The following TBC1D7 variants were observed in gnomAD, a reference collection of about 807,000 sequenced individuals.
TBC1D7 encodes TBC1 domain family member 7, also known as TBC domain family 7.
In TBC1D7, 33 loss-of-function variants were observed where a neutral mutation model predicts 35.3. The ratio of observed to expected loss-of-function variants is 0.93; its 90% CI spans 0.71 to 1.25. The LOEUF (loss-of-function observed/expected upper bound fraction) is 1.25, where lower values mean the gene tolerates loss of function less well. TBC1D7 is among the 50% of genes most tolerant of loss of function. The pLI is 0.00. For synonymous variants in TBC1D7, 135 were observed against 129.5 expected, an observed-to-expected ratio of 1.04 and a Z score of -0.29; for missense variants, 362 against 365.3, an observed-to-expected ratio of 0.99 and a Z score of 0.07.
chr6:13,316,789 G>C (rs952515991), intron 4 of TBC1D7, 81 bp from the exon 5 acceptor site: 1 of 1,531,432 alleles, frequency 6.5e-7, no homozygotes, highest in Non-Finnish European at 8.8e-7. Flanking sequence ...ATGAAACCTT[G>C]CTCCCTAAAT....
At chr6:13,314,204 C>CAA (rs5874413) in intron 5 of TBC1D7, among the ~76,000 whole-genome samples, 1 of 109,078 alleles carries the variant, frequency 9.2e-6, no homozygotes. Flanking sequence ...GACTCCATCT[C>CAA]AAAAAAAAAA....
At chr6:13,323,107 C>T (rs1050818036) in intron 3 of TBC1D7, among the ~76,000 whole-genome samples, 2 of 152,124 alleles carry the variant, frequency 1.3e-5, no homozygotes, top group African/African-American at 4.8e-5. Context: ...AATCCCAGCA[C>T]TTTGGGAGGC....
intron 3 of TBC1D7, chr6:13,323,885 C>T (rs1057281446): frequency 6.6e-6 from 1 of 152,208 alleles, no homozygotes; most frequent in African/African-American, 2.4e-5. Context: ...CACTTACAGG[C>T]TATAATGCCT....
rs774821320 is a variant in TBC1D7 at position 13,305,081 on chromosome 6, T to C, written c.*20A>G. 6.3e-7 allele frequency: 1 copy of C among 1,591,684 alleles called. No individual in the cohort carries two copies. The highest frequency in any genetic ancestry group is 8.6e-7 in the Non-Finnish European group (1 of 1,166,508). On this transcript the variant is annotated 3_prime_UTR_variant, in exon 8 of 8. Coordinates refer to ENST00000379300, the MANE Select transcript of TBC1D7 (RefSeq NM_016495.6). ...GCTCACTGTGGTGCCTGGCAGACGG[T>C]CCACAACCAGCGGGTGCGTTCAGCT...
intron 5 of TBC1D7, among the ~76,000 whole-genome samples, chr6:13,315,958 T>C (rs1783576953): frequency 6.6e-6 from 1 of 152,206 alleles, no homozygotes; most frequent in Non-Finnish European, 1.5e-5. Context: ...GGCTGGCTTG[T>C]CCCTCTTATT....
chr6:13,313,721 T>G (rs1445264673), intron 5 of TBC1D7, among the ~76,000 whole-genome samples: 2 of 152,120 alleles, frequency 1.3e-5, no homozygotes, highest in Admixed American at 1.3e-4. Context: ...CACTTCAGAA[T>G]TGCCTGGAGC....
chr6:13,316,557 A>T lies in TBC1D7; in HGVS notation c.519+14T>A. 6.3e-7 allele frequency: 1 copy of T among 1,586,582 alleles called. No homozygotes were observed. The highest frequency in any genetic ancestry group is 1.2e-5 in the South Asian group (1 of 85,066). On this transcript the variant is annotated intron_variant, in intron 5 of 7. Transcript: ENST00000379300. ...TTCACTCTCCAATAGCCAAAAAAAAAAAAAAGCCCTCACCAACTGGGGCAA... is the reference window on the plus strand; with the variant it reads ...TTCACTCTCCAATAGCCAAAAAAAATAAAAAGCCCTCACCAACTGGGGCAA...
intron 5 of TBC1D7, among the ~76,000 whole-genome samples, chr6:13,310,637 C>CA (rs546122443): frequency 0.23 from 16,787 of 72,680 alleles, 2,412 homozygotes; most frequent in East Asian, 0.47. Flanking sequence ...GACTCCGTCT[C>CA]AAAAAAAAAA....
At position 13,320,710 on chromosome 6, in the gene TBC1D7, A is replaced by T. The variant is rs566438190; in HGVS notation, c.381+198T>A. ...TTGAAATTACTTCAAAATAAAACGTATTTTAAAAAAACAAAAAGTAAGAAG... is the reference window on the plus strand; with the variant it reads ...TTGAAATTACTTCAAAATAAAACGTTTTTTAAAAAAACAAAAAGTAAGAAG... On this transcript the variant is annotated intron_variant, in intron 4 of 7. Coordinates refer to ENST00000379300, the MANE Select transcript of TBC1D7 (RefSeq NM_016495.6). 8.8e-6 allele frequency: 6 copies of T among 684,500 alleles called. No individual in the cohort carries two copies. The Admixed American group carries it at 1.1e-4, about 13-fold the overall frequency. The allele number at this position is 684,500 out of a possible 1,614,324, so 42.4% of individuals were successfully genotyped here.
intron 5 of TBC1D7, among the ~76,000 whole-genome samples, chr6:13,315,539 C>T (rs982910668): frequency 1.3e-5 from 2 of 151,992 alleles, no homozygotes; most frequent in Admixed American, 1.3e-4. Context: ...CACGATGCAA[C>T]CCCGTCTCTA....
At chr6:13,312,871 C>T (rs964800828) in intron 5 of TBC1D7, among the ~76,000 whole-genome samples, 7 of 150,342 alleles carry the variant, frequency 4.7e-5, no homozygotes, top group East Asian at 1.9e-4. Context: ...TTTCAACAAA[C>T]GTAAGGGATA....
chr6:13,320,828 C>G (rs762899582), intron 4 of TBC1D7, 80 bp downstream of exon 4: 1 of 1,438,526 alleles, frequency 7.0e-7, no homozygotes, highest in Non-Finnish European at 9.7e-7. Flanking sequence ...GTTTTTAAGG[C>G]AAAACATGAT....
intron 5 of TBC1D7, among the ~76,000 whole-genome samples, chr6:13,312,185 A>C (rs1282748335): frequency 6.6e-6 from 1 of 152,176 alleles, no homozygotes; most frequent in Admixed American, 6.5e-5. Context: ...CTAACAATGT[A>C]AATTTAGCAC....
In TBC1D7 at chr6:13,304,954, C is replaced by A. The variant is rs1782709115; in HGVS notation, c.*147G>T. 4.1e-5 allele frequency: 25 copies of A among 605,932 alleles called. No individual in the cohort carries two copies. In the South Asian group the frequency reaches 5.2e-4, roughly 13 times the overall value. 37.5% of individuals were successfully genotyped at this position (605,932 alleles called of 1,614,324 possible). ...GCCAACACAGCAACACCAGGCATTT[C>A]AATTAAATAATTTTATTGGGGGAAA... is the stretch of plus-strand genomic sequence containing the variant. On this transcript the variant is annotated 3_prime_UTR_variant, in exon 8 of 8. Transcript: ENST00000379300.
At chr6:13,325,221 C>CATGAA in intron 2 of TBC1D7, 47 bp from the exon 3 acceptor site, 2 of 1,365,260 alleles carry the variant, frequency 1.5e-6, no homozygotes, top group Non-Finnish European at 2.1e-6. Context: ...ATGCTGATCA[C>CATGAA]AGTATGTCAA....
intron 5 of TBC1D7, among the ~76,000 whole-genome samples, chr6:13,314,417 C>T (rs188949778): frequency 2.0e-5 from 3 of 152,058 alleles, no homozygotes; most frequent in Non-Finnish European, 1.5e-5. Context: ...ATTTATGTTA[C>T]GAAAAATAAA....
At chr6:13,320,883 G>C in intron 4 of TBC1D7, 25 bp downstream of exon 4, 5 of 1,611,460 alleles carry the variant, frequency 3.1e-6, no homozygotes, top group Non-Finnish European at 4.2e-6. Context: ...GTTGAGCTTA[G>C]TGTCAGACAA....
intron 2 of TBC1D7, among the ~76,000 whole-genome samples, 170 bp downstream of exon 2, chr6:13,326,617 T>C (rs1234493274): frequency 1.3e-5 from 2 of 152,178 alleles, no homozygotes; most frequent in Non-Finnish European, 2.9e-5. Flanking sequence ...TGACGCTCAG[T>C]GAAATATAAA....
intron 5 of TBC1D7, among the ~76,000 whole-genome samples, chr6:13,314,944 G>GT (rs778021326): frequency 2.0e-5 from 3 of 152,244 alleles, no homozygotes; most frequent in Non-Finnish European, 4.4e-5. Flanking sequence ...AATGCAGCAA[G>GT]TACCATTCAG....
Sources: gnomAD v4.1 joint callset for allele counts (sites outside exome capture counted in the v4.1 genomes callset) on GRCh38, gnomAD v4.1.1 for gene constraint, MANE v1.5 for transcripts, NCBI Gene and HGNC (gene_info 2026-07-23, HGNC 2026-07-21) for gene names.